The following ARHGEF28 variants were observed in gnomAD, a reference collection of about 807,000 sequenced individuals.
The protein encoded by ARHGEF28 is 190 kDa guanine nucleotide exchange factor.
A neutral mutation model predicts 206.6 loss-of-function variants in ARHGEF28; 152 were observed. That is an observed-to-expected ratio of 0.74 (90% CI 0.64 to 0.84). The LOEUF is 0.84. ARHGEF28 is among the 40% of genes least tolerant of loss of function. ARHGEF28 has a pLI of 0.00. For missense variants in ARHGEF28, 2,028 were observed against 2,073.2 expected (o/e 0.98, Z 0.42); for synonymous variants, 763 against 776.4 (o/e 0.98, Z 0.29).
rs546921740 is a variant in ARHGEF28 at position 73,870,407 on chromosome 5, A to G, written c.2566+198A>G. On this transcript the variant is annotated intron_variant, in intron 21 of 35. Transcript: ENST00000513042. ...GAGGATAATATTAAAAGTAATAGCA[A>G]AAACCACAATCGGTTTTGCAATAAC... Among the ~76,000 whole-genome samples, 30 of 152,306 alleles carry G rather than the reference A, an allele frequency of 2.0e-4. 2 individuals are homozygous for G. The South Asian group carries it at 6.0e-3, about 31-fold the overall frequency.
At chr5:73,819,176 C>T (rs7705309) in intron 9 of ARHGEF28, among the ~76,000 whole-genome samples, 53,005 of 152,062 alleles carry the variant, frequency 0.35, 9,999 homozygotes, top group East Asian at 0.54. Context: ...ATAGCCTAGC[C>T]TTGTGGCCTG....
chr5:73,741,423 ATATATATATATATATATATG>A, intron 2 of ARHGEF28, among the ~76,000 whole-genome samples: 2 of 39,578 alleles, frequency 5.1e-5, no homozygotes, highest in African/African-American at 1.2e-4. Context: ...ATATATATAT[ATATATATATATATATATATG>A]TATACTCACT....
intron 5 of ARHGEF28, 123 bp downstream of exon 5, chr5:73,774,161 C>T (rs962796095): frequency 2.4e-6 from 2 of 817,156 alleles, no homozygotes; most frequent in East Asian, 2.8e-5. Flanking sequence ...AGCTCTCATG[C>T]ATATATATAG....
chr5:73,674,854 G>A (rs1426275267), intron 1 of ARHGEF28, among the ~76,000 whole-genome samples: 4 of 152,218 alleles, frequency 2.6e-5, no homozygotes, highest in Non-Finnish European at 4.4e-5. Context: ...GGCAGAACAC[G>A]TGGAGGTTCC....
At chr5:73,777,580 T>C (rs1476072279) in intron 6 of ARHGEF28, among the ~76,000 whole-genome samples, 4 of 152,246 alleles carry the variant, frequency 2.6e-5, no homozygotes, top group African/African-American at 7.2e-5. Context: ...AAAAACATTA[T>C]GTATCAAACA....
intron 35 of ARHGEF28, among the ~76,000 whole-genome samples, chr5:73,919,313 GA>G (rs1332045353): frequency 2.6e-5 from 4 of 152,182 alleles, no homozygotes; most frequent in Non-Finnish European, 5.9e-5. Context: ...AAATACATTA[GA>G]ATAAAAAGGG....
intron 9 of ARHGEF28, among the ~76,000 whole-genome samples, chr5:73,811,088 C>T (rs1288895298): frequency 1.3e-5 from 2 of 152,164 alleles, no homozygotes; most frequent in African/African-American, 4.8e-5. Flanking sequence ...TTTTGCATTT[C>T]AAAGGATTCT....
At chr5:73,898,203 T>C in intron 30 of ARHGEF28, 110 bp downstream of exon 30, 1 of 1,339,104 alleles carries the variant, frequency 7.5e-7, no homozygotes, top group Non-Finnish European at 1.0e-6. Flanking sequence ...GGACTTGATA[T>C]ATTTTTTTAA....
chr5:73,648,754 G>A (rs978177626), intron 1 of ARHGEF28, among the ~76,000 whole-genome samples: 3 of 152,190 alleles, frequency 2.0e-5, no homozygotes, highest in Non-Finnish European at 2.9e-5. Context: ...TGAGGGCTAA[G>A]AGGAAGGATA....
chr5:73,856,058 A>T (rs915503039), intron 14 of ARHGEF28, among the ~76,000 whole-genome samples: 2 of 152,088 alleles, frequency 1.3e-5, no homozygotes, highest in African/African-American at 4.8e-5. Flanking sequence ...GGGGTCAAAA[A>T]AGGCCTTCTA....
intron 26 of ARHGEF28, among the ~76,000 whole-genome samples, chr5:73,888,809 A>G (rs71636094): frequency 0.22 from 33,261 of 152,026 alleles, 4,462 homozygotes; most frequent in East Asian, 0.39. Flanking sequence ...ACCCATAGAC[A>G]ACATTTACCA....
At chr5:73,896,867 C>T (rs1173968084) in intron 29 of ARHGEF28, among the ~76,000 whole-genome samples, 2 of 152,216 alleles carry the variant, frequency 1.3e-5, no homozygotes, top group Non-Finnish European at 2.9e-5. Context: ...GGTGCCGGGG[C>T]AGCGGCGGAC....
intron 2 of ARHGEF28, among the ~76,000 whole-genome samples, chr5:73,747,769 C>T (rs1751807073): frequency 1.3e-5 from 2 of 152,144 alleles, no homozygotes; most frequent in Non-Finnish European, 2.9e-5. Flanking sequence ...TGTCTTATTA[C>T]TCACATGACT....
rs1315423395 is a variant in ARHGEF28 at position 73,873,156 on chromosome 5, C to T, written c.2724C>T (p.Phe908=). ...DELLEIHRHF[F]YSMKERRQES... is the part of the protein sequence containing the mutation. ...TGCTTGAAATCCACAGGCATTTCTT[C>T]TACAGTATGAAGGAACGAAGGCAGG... The change falls in exon 22 of 36, where the codon TTC becomes TTT. Residue 908 remains phenylalanine (F), a synonymous_variant. Coordinates refer to ENST00000513042, the MANE Select transcript of ARHGEF28 (RefSeq NM_001177693.2). 1.2e-6 allele frequency: 2 copies of T among 1,612,724 alleles called. No individual in the cohort carries two copies. The highest frequency in any genetic ancestry group is 2.2e-5 in the South Asian group (2 of 90,728).
At chr5:73,836,205 A>AT (rs1212111255) in intron 10 of ARHGEF28, among the ~76,000 whole-genome samples, 3 of 151,498 alleles carry the variant, frequency 2.0e-5, no homozygotes, top group Non-Finnish European at 2.9e-5. Context: ...TGTATTTTAA[A>AT]TTTTTTTAGG....
intron 1 of ARHGEF28, among the ~76,000 whole-genome samples, chr5:73,669,084 C>T (rs1003228477): frequency 2.0e-5 from 3 of 152,142 alleles, no homozygotes; most frequent in African/African-American, 7.2e-5. Context: ...GCATATCCTA[C>T]CTTGTTCATT....
intron 35 of ARHGEF28, among the ~76,000 whole-genome samples, chr5:73,938,438 G>T (rs951161398): frequency 6.6e-6 from 1 of 152,092 alleles, no homozygotes. Context: ...AGGGCTTCCA[G>T]TGTGTCCGGC....
intron 2 of ARHGEF28, among the ~76,000 whole-genome samples, chr5:73,741,646 C>G (rs1025559862): frequency 1.5e-5 from 2 of 130,134 alleles, no homozygotes; most frequent in Non-Finnish European, 3.3e-5. Context: ...GTCTCAAACT[C>G]CCGACCACGT....
intron 2 of ARHGEF28, among the ~76,000 whole-genome samples, chr5:73,746,665 G>A (rs1466484518): frequency 6.6e-6 from 1 of 151,942 alleles, no homozygotes; most frequent in Non-Finnish European, 1.5e-5. Flanking sequence ...TTGGTAGAAG[G>A]CATGTTTTTG....
Sources: allele counts gnomAD v4.1 joint callset (sites outside exome capture counted in the v4.1 genomes callset), GRCh38; gene constraint gnomAD v4.1.1; transcripts MANE v1.5; gene names NCBI Gene and HGNC (gene_info 2026-07-23, HGNC 2026-07-21).